Variants in WDR26 observed in about 807,000 individuals in gnomAD.
The protein encoded by WDR26 is WD repeat domain 26.
Under a neutral mutation model 84.1 loss-of-function variants are expected in WDR26, and 5 were observed. That is an observed-to-expected ratio of 0.06 (90% CI 0.03 to 0.13). The LOEUF is 0.13. WDR26 is among the 10% of genes least tolerant of loss of function. The pLI, the probability that WDR26 is intolerant of heterozygous loss-of-function variation, is 1.00. For missense variants in WDR26, 642 were observed against 974.9 expected (o/e 0.66, Z 4.55); for synonymous variants, 415 against 389.6 (o/e 1.07, Z -0.77).
chr1:224,424,034 G>A (rs1156299808), intron 4 of WDR26, among the ~76,000 whole-genome samples: 1 of 137,342 alleles, frequency 7.3e-6, no homozygotes, highest in African/African-American at 2.5e-5. Flanking sequence ...AACACTGTAA[G>A]ACCCTGTCTC....
At chr1:224,394,263 T>C (rs1673200199) in intron 12 of WDR26, among the ~76,000 whole-genome samples, 2 of 152,128 alleles carry the variant, frequency 1.3e-5, no homozygotes, top group Admixed American at 1.3e-4. Flanking sequence ...TGTCAATACA[T>C]GAGTAATGAA....
At chr1:224,414,357 C>T (rs1425184369) in intron 6 of WDR26, among the ~76,000 whole-genome samples, 6 of 149,662 alleles carry the variant, frequency 4.0e-5, no homozygotes, top group African/African-American at 1.2e-4. Flanking sequence ...CTCCCCACCT[C>T]GGCCTCCCAA....
Position 224,397,819 on chromosome 1 carries a change from ACG to A in WDR26, c.2074+276_2074+277del, listed in dbSNP as rs1397673148. On this transcript the variant is annotated intron_variant, in intron 12 of 13. Coordinates refer to ENST00000414423, the MANE Select transcript of WDR26 (RefSeq NM_001379403.1). ...AGACACATGCACCAAACACACTGCT[ACG>A]TGGTCAGAATAAGCACTGCTAATCC... 7 of 350,676 alleles carry A rather than the reference ACG, an allele frequency of 2.0e-5. No homozygotes were observed. The East Asian group carries it at 2.1e-4, about 10-fold the overall frequency. The allele number at this position is 350,676 out of a possible 1,614,324, so 21.7% of individuals were successfully genotyped here.
chr1:224,424,678 CAG>C, intron 3 of WDR26, 24 bp from the exon 4 acceptor site: 1 of 1,613,958 alleles, frequency 6.2e-7, no homozygotes, highest in Non-Finnish European at 8.5e-7. Context: ...AAGCAGCAGT[CAG>C]GGGAAAAAAG....
Position 224,427,593 on chromosome 1 carries a change from T to G in WDR26, c.928-2939A>C, listed in dbSNP as rs569284897. ...AAGAGCATTTCTCTATGAGTCATTT[T>G]ATCCAGATCAAGACCAAGAATATTC... On this transcript the variant is annotated intron_variant, in intron 3 of 13. Coordinates refer to ENST00000414423, the MANE Select transcript of WDR26 (RefSeq NM_001379403.1). 4.6e-5 allele frequency among the ~76,000 whole-genome samples: 7 copies of G among 152,378 alleles called. No individual in the cohort carries two copies. The South Asian group carries it at 1.4e-3, about 32-fold the overall frequency.
intron 9 of WDR26, among the ~76,000 whole-genome samples, chr1:224,399,944 C>G (rs890441902): frequency 6.6e-6 from 1 of 152,082 alleles, no homozygotes; most frequent in Non-Finnish European, 1.5e-5. Context: ...TGTACTCTAG[C>G]ATGGGTGGCA....
At position 224,434,224 on chromosome 1, in the gene WDR26, G is replaced by A. The variant is rs1310323585; in HGVS notation, c.182C>T (p.Ser61Phe). 6 of 1,393,714 alleles carry A rather than the reference G, an allele frequency of 4.3e-6. No homozygotes were observed. The highest frequency in any genetic ancestry group is 1.5e-5 in the African/African-American group (1 of 67,810). 86.3% of individuals were successfully genotyped at this position (1,393,714 alleles called of 1,614,324 possible). ...CACCACGGAGGAGGAGGAGGAGGAG[G>A]AGGACGAGGACGACGAGGACGGAGG... Residue 61 changes from serine (S) to phenylalanine (F), a missense_variant, in exon 1 of 14, where the codon TCC becomes TTC. Ser to Phe is a radical substitution (Grantham distance 155). Around this residue, in one of 2 missense-constraint regions of WDR26, gnomAD observed 291 missense variants for 302.1 expected, o/e 0.96. Coordinates refer to ENST00000414423, the MANE Select transcript of WDR26 (RefSeq NM_001379403.1).
intron 7 of WDR26, among the ~76,000 whole-genome samples, chr1:224,408,028 CTATTAATTCTGCA>C (rs1352702274): frequency 6.6e-6 from 1 of 152,164 alleles, no homozygotes; most frequent in Non-Finnish European, 1.5e-5. Flanking sequence ...CATGTAACAC[CTATTAATTCTGCA>C]TACCCATTAT....
intron 13 of WDR26, 112 bp downstream of exon 13, chr1:224,393,716 G>C: frequency 1.1e-6 from 1 of 900,650 alleles, no homozygotes; most frequent in Non-Finnish European, 1.6e-6. Flanking sequence ...GTAAAAGAGA[G>C]AAATCATATA....
chr1:224,398,461 A>C, intron 11 of WDR26, 54 bp downstream of exon 11: 1 of 1,462,160 alleles, frequency 6.8e-7, no homozygotes. Context: ...ATAACAGTTA[A>C]AATAAAACTT....
chr1:224,433,631 GA>G, intron 1 of WDR26, 52 bp downstream of exon 1: 5 of 1,227,284 alleles, frequency 4.1e-6, no homozygotes, highest in Non-Finnish European at 4.2e-6. Flanking sequence ...TACCCCCCTG[GA>G]GCCTCCGTCC....
intron 7 of WDR26, among the ~76,000 whole-genome samples, chr1:224,408,291 T>G (rs1572180660): frequency 6.6e-6 from 1 of 152,242 alleles, no homozygotes; most frequent in Non-Finnish European, 1.5e-5. Flanking sequence ...CTTTTCTTAC[T>G]TTCCCTAGCT....
rs560052261 is a variant in WDR26 at position 224,387,621 on chromosome 1, G to C, written c.*2214C>G. On this transcript the variant is annotated 3_prime_UTR_variant, in exon 14 of 14. Coordinates refer to ENST00000414423, the MANE Select transcript of WDR26 (RefSeq NM_001379403.1). ...TTAGGTGAAGTAGAGTAGAATCTGA[G>C]TGCCAAATTGCCCCTGAATGGGCAC... 1 of 152,714 alleles carries C rather than the reference G, an allele frequency of 6.5e-6. No homozygotes were observed. Among genetic ancestry groups the C allele is most frequent in the African/African-American group, 2.4e-5 (1 of 41,570 alleles). 9.5% of individuals were successfully genotyped at this position (152,714 alleles called of 1,614,324 possible).
intron 13 of WDR26, among the ~76,000 whole-genome samples, chr1:224,390,082 A>T (rs1202809037): frequency 6.6e-6 from 1 of 152,192 alleles, no homozygotes; most frequent in Non-Finnish European, 1.5e-5. Context: ...TAAATTCATG[A>T]TTTTGAATAC....
chr1:224,433,599 C>CCG, intron 1 of WDR26, 85 bp downstream of exon 1: 8 of 745,940 alleles, frequency 1.1e-5, no homozygotes, highest in Non-Finnish European at 1.6e-5. Flanking sequence ...TCAAGCCCCC[C>CCG]TCCCCCCTCC....
chr1:224,413,411 G>T, intron 6 of WDR26: 1 of 594,790 alleles, frequency 1.7e-6, no homozygotes, highest in Non-Finnish European at 2.4e-6. Context: ...TTAGCAGATG[G>T]GTATTTGCAG....
Position 224,433,983 on chromosome 1 carries a change from C to T in WDR26, c.423G>A (p.Glu141=). The T allele has an allele frequency of 2.0e-6, 3 of 1,527,666 alleles. No individual in the cohort carries two copies. Among genetic ancestry groups the T allele is most frequent in the Non-Finnish European group, 2.6e-6 (3 of 1,140,726 alleles). 94.6% of individuals were successfully genotyped at this position (1,527,666 alleles called of 1,614,324 possible). Reference sequence around the variant, plus strand: ...CGGACGACGACGACGAGGGGGACGACTCCCCGTTCTGGGCCGACAAGCAGG... The same window carrying T: ...CGGACGACGACGACGAGGGGGACGATTCCCCGTTCTGGGCCGACAAGCAGG... The change falls in exon 1 of 14, where the codon GAG becomes GAA. Residue 141 remains glutamate, a synonymous_variant. Coordinates refer to ENST00000414423, the MANE Select transcript of WDR26 (RefSeq NM_001379403.1).
intron 3 of WDR26, among the ~76,000 whole-genome samples, chr1:224,428,522 A>C (rs1674293738): frequency 6.6e-6 from 1 of 152,156 alleles, no homozygotes; most frequent in African/African-American, 2.4e-5. Context: ...TTCTAGACAT[A>C]AAAAAAGTTT....
intron 4 of WDR26, among the ~76,000 whole-genome samples, chr1:224,423,943 T>C (rs916827957): frequency 2.0e-5 from 3 of 152,112 alleles, no homozygotes; most frequent in Non-Finnish European, 4.4e-5. Context: ...ATTTTAAGGA[T>C]TAATGTGGCG....
Sources: allele counts gnomAD v4.1 joint callset (sites outside exome capture counted in the v4.1 genomes callset), GRCh38; gene constraint gnomAD v4.1.1; regional missense constraint gnomAD v4.1.1; transcripts MANE v1.5; gene names NCBI Gene and HGNC (gene_info 2026-07-23, HGNC 2026-07-21).